Variants in FMO5 observed in about 807,000 individuals in gnomAD.
The protein encoded by FMO5 is flavin-containing monooxygenase 5.
In FMO5, 51 loss-of-function variants were observed where a neutral mutation model predicts 43.6. The observed-to-expected ratio is 1.17, with a 90% CI of 0.93 to 1.48. The LOEUF (loss-of-function observed/expected upper bound fraction) is 1.48, where lower values mean the gene tolerates loss of function less well. Ranked by LOEUF, FMO5 falls within the 40% of genes most tolerant of loss-of-function variation. The pLI is 0.00. For missense variants in FMO5, 644 were observed against 643.0 expected, an observed-to-expected ratio of 1.00 and a Z score of -0.02; for synonymous variants, 187 against 216.5, an observed-to-expected ratio of 0.86 and a Z score of 1.20.
chr1:147,199,944 T>G (rs1658687252), intron 7 of FMO5, among the ~76,000 whole-genome samples: 1 of 152,108 alleles, frequency 6.6e-6, no homozygotes, highest in African/African-American at 2.4e-5. Flanking sequence ...AATAGCAAAT[T>G]TTGTTATAAC....
intron 7 of FMO5, among the ~76,000 whole-genome samples, chr1:147,197,530 C>G (rs1658217883): frequency 6.6e-6 from 1 of 152,024 alleles, no homozygotes; most frequent in African/African-American, 2.4e-5. Flanking sequence ...GGTGGTTACT[C>G]TCATACTGCT....
At chr1:147,221,932 G>C (rs1201325251) in intron 2 of FMO5, among the ~76,000 whole-genome samples, 2 of 152,254 alleles carry the variant, frequency 1.3e-5, no homozygotes, top group African/African-American at 4.8e-5. Context: ...TATTGGGTTA[G>C]TGAGTAGAAG....
chr1:147,191,222 T>C (rs1553918387), intron 7 of FMO5, among the ~76,000 whole-genome samples: 1 of 152,154 alleles, frequency 6.6e-6, no homozygotes. Flanking sequence ...TTGGGTCAAA[T>C]GGTACTTCCA....
upstream of FMO5, among the ~76,000 whole-genome samples, chr1:147,226,817 A>T (rs1553927947): frequency 6.8e-6 from 1 of 147,176 alleles, no homozygotes; most frequent in Non-Finnish European, 1.5e-5. Context: ...ATTAACATTA[A>T]TGTGTTTTGG....
intron 6 of FMO5, chr1:147,203,256 G>A: frequency 1.4e-6 from 2 of 1,439,368 alleles, no homozygotes; most frequent in East Asian, 4.5e-5. Flanking sequence ...TTCACCTACA[G>A]TAAAAATTAA....
chr1:147,213,413 C>A lies in FMO5; in HGVS notation c.382G>T (p.Val128Leu), dbSNP rs1553924227. Residue 128 changes from valine (V) to leucine (L), a missense_variant, in exon 4 of 9, where the codon GTG (valine) becomes TTG (leucine). Coordinates refer to ENST00000254090, the MANE Select transcript of FMO5 (RefSeq NM_001461.4). ...TTTTTCCCTTCAGATTCAGTGACCA[C>A]TTCCCATTGGCCTGAAGTGGCAAAA... ...PDFATSGQWE[V>L]VTESEGKKEM... The A allele has an allele frequency of 6.2e-7, 1 of 1,613,662 alleles. No homozygotes were observed. The highest frequency in any genetic ancestry group is 8.5e-7 in the Non-Finnish European group (1 of 1,179,784).
At chr1:147,220,181 T>C (rs1040038241) in intron 2 of FMO5, among the ~76,000 whole-genome samples, 3 of 152,192 alleles carry the variant, frequency 2.0e-5, no homozygotes, top group Non-Finnish European at 4.4e-5. Flanking sequence ...GAATTTGAAA[T>C]TTTAAAAACT....
intron 2 of FMO5, among the ~76,000 whole-genome samples, chr1:147,222,098 G>A (rs924805712): frequency 1.2e-4 from 19 of 152,168 alleles, no homozygotes; most frequent in African/African-American, 3.6e-4. Flanking sequence ...GGCTAGGCAC[G>A]GTGGCTCATG....
chr1:147,221,329 G>A (rs1307170017), intron 2 of FMO5, among the ~76,000 whole-genome samples: 4 of 152,034 alleles, frequency 2.6e-5, no homozygotes, highest in East Asian at 1.9e-4. Flanking sequence ...ATTTAAAAAC[G>A]TATCATACTA....
intron 7 of FMO5, among the ~76,000 whole-genome samples, chr1:147,199,962 G>A (rs1482702012): frequency 6.6e-6 from 1 of 152,078 alleles, no homozygotes; most frequent in African/African-American, 2.4e-5. Flanking sequence ...AACAACCATA[G>A]AATCAGTGAA....
chr1:147,209,413 G>A (rs1660723454), intron 5 of FMO5, among the ~76,000 whole-genome samples: 2 of 131,400 alleles, frequency 1.5e-5, no homozygotes, highest in Admixed American at 1.7e-4. Context: ...ACTCCAGCCT[G>A]GGCAACAGAG....
At chr1:147,191,224 G>A (rs1322022320) in intron 7 of FMO5, among the ~76,000 whole-genome samples, 10 of 152,180 alleles carry the variant, frequency 6.6e-5, no homozygotes, top group African/African-American at 2.4e-4. Context: ...GGGTCAAATG[G>A]TACTTCCAGT....
intron 8 of FMO5, among the ~76,000 whole-genome samples, chr1:147,189,427 G>C (rs1656272396): frequency 6.6e-6 from 1 of 152,076 alleles, no homozygotes; most frequent in Non-Finnish European, 1.5e-5. Flanking sequence ...AGTTGTAACG[G>C]AATTAAATAA....
At chr1:147,193,826 T>A (rs1404505287) in intron 7 of FMO5, among the ~76,000 whole-genome samples, 1 of 152,038 alleles carries the variant, frequency 6.6e-6, no homozygotes, top group Non-Finnish European at 1.5e-5. Context: ...TTTGAGTGAG[T>A]TTTTTAGTCC....
Position 147,225,013 on chromosome 1 carries a change from A to C in FMO5, c.17T>G (p.Ile6Ser). The C allele has an allele frequency of 6.2e-7, 1 of 1,612,712 alleles. No individual in the cohort carries two copies. Among genetic ancestry groups the C allele is most frequent in the Non-Finnish European group, 8.5e-7 (1 of 1,179,576 alleles). Residue 6 changes from isoleucine to serine, a missense_variant, in exon 2 of 9, where the codon ATT becomes AGT. Coordinates refer to ENST00000254090, the MANE Select transcript of FMO5 (RefSeq NM_001461.4). The stretch of plus-strand genomic sequence containing the variant: ...GCTCACTCCTCCCCCAATCACAGCA[A>C]TTCTTTTCTTAGTCATGGTCTCCCG... MTKKR[I>S]AVIGGGVSGL...
chr1:147,203,355 AC>A, intron 6 of FMO5: 1 of 1,335,448 alleles, frequency 7.5e-7, no homozygotes, highest in Non-Finnish European at 1.1e-6. Context: ...TGATTACCTG[AC>A]CCACTCTAAG....
At position 147,206,074 on chromosome 1, in the gene FMO5, AAAAC is replaced by A. The variant is rs1354120820; in HGVS notation, c.830+2774_830+2777del. ...AGAACTCATACAAATTTACAAGAAA[AAAAC>A]AAACAACCCCATCAAAAAGTGGGTG... is the stretch of plus-strand genomic sequence containing the variant. On this transcript the variant is annotated intron_variant, in intron 6 of 8. Coordinates refer to ENST00000254090, the MANE Select transcript of FMO5 (RefSeq NM_001461.4). Among the ~76,000 whole-genome samples the A allele has an allele frequency of 1.3e-3, 191 of 151,070 alleles. 5 individuals are homozygous for A. In the South Asian group the frequency reaches 0.028, roughly 22 times the overall value.
chr1:147,201,478 T>A lies in FMO5; in HGVS notation c.857A>T (p.Asn286Ile). 2.0e-5 allele frequency: 33 copies of A among 1,613,892 alleles called. No individual in the cohort carries two copies. The highest frequency in any genetic ancestry group is 2.8e-5 in the Non-Finnish European group (33 of 1,179,876). Residue 286 changes from asparagine to isoleucine, a missense_variant, in exon 7 of 9, where the codon AAT becomes ATT. Asn to Ile is a moderately radical substitution (Grantham distance 149). Transcript: ENST00000254090. ...AATGATACGATTTGGCAGGTCATCA[T>A]TTAAGGTTGGATGCTGACTCAGAGC... Reference protein sequence around the residue: ...HRALSQHPTLNDDLPNRIISG... With the variant: ...HRALSQHPTLIDDLPNRIISG...
chr1:147,197,832 A>C (rs1189748256), intron 7 of FMO5, among the ~76,000 whole-genome samples: 1 of 152,146 alleles, frequency 6.6e-6, no homozygotes, highest in African/African-American at 2.4e-5. Flanking sequence ...GATTTTCTGT[A>C]TGGTCATATT....
Sources: allele counts gnomAD v4.1 joint callset (sites outside exome capture counted in the v4.1 genomes callset), GRCh38; gene constraint gnomAD v4.1.1; transcripts MANE v1.5; gene names NCBI Gene and HGNC (gene_info 2026-07-23, HGNC 2026-07-21).